The following KCNH1 variants were observed in gnomAD, a reference collection of about 807,000 sequenced individuals.
The protein encoded by KCNH1 is voltage-gated delayed rectifier potassium channel KCNH1.
KCNH1 carries 27 observed loss-of-function variants against 69.2 expected under a neutral mutation model. That is an observed-to-expected ratio of 0.39 (90% CI 0.29 to 0.54). The LOEUF (loss-of-function observed/expected upper bound fraction) is 0.54. Among genes scored for constraint, KCNH1 ranks in the 20% least tolerant of loss-of-function variants. The pLI, the probability that KCNH1 is intolerant of heterozygous loss-of-function variation, is 0.68. For missense variants in KCNH1, 798 were observed against 1,261.6 expected (o/e 0.63, Z 5.57); for synonymous variants, 456 against 487.7 (o/e 0.93, Z 0.86).
At chr1:210,743,162 G>A (rs1467606164) in intron 10 of KCNH1, among the ~76,000 whole-genome samples, 1 of 147,622 alleles carries the variant, frequency 6.8e-6, no homozygotes, top group Non-Finnish European at 1.5e-5. Context: ...AGAAAGAGAT[G>A]AGATCCTGGA....
chr1:210,856,829 A>G (rs1185116596), intron 7 of KCNH1, among the ~76,000 whole-genome samples: 2 of 128,922 alleles, frequency 1.6e-5, no homozygotes, highest in African/African-American at 2.7e-5. Flanking sequence ...TATTTTATAT[A>G]TAATATATAT....
intron 7 of KCNH1, among the ~76,000 whole-genome samples, chr1:210,908,473 G>A (rs1432109081): frequency 6.6e-6 from 1 of 152,132 alleles, no homozygotes; most frequent in East Asian, 1.9e-4. Flanking sequence ...ACAGCCAGGG[G>A]AGAACCTGTA....
chr1:210,791,946 A>G (rs1684220978), intron 9 of KCNH1, among the ~76,000 whole-genome samples: 1 of 152,228 alleles, frequency 6.6e-6, no homozygotes, highest in Non-Finnish European at 1.5e-5. Flanking sequence ...TATTTCATCC[A>G]TGAACAAGCA....
At chr1:210,891,115 C>T (rs1686739871) in intron 7 of KCNH1, among the ~76,000 whole-genome samples, 2 of 152,184 alleles carry the variant, frequency 1.3e-5, no homozygotes, top group South Asian at 2.1e-4. Context: ...GCACTATTCA[C>T]AAAAGCAAAG....
At chr1:211,051,151 C>T (rs1690198142) in intron 5 of KCNH1, among the ~76,000 whole-genome samples, 1 of 152,074 alleles carries the variant, frequency 6.6e-6, no homozygotes, top group African/African-American at 2.4e-5. Flanking sequence ...GTGTGCACCA[C>T]CACACCTGGC....
At chr1:210,715,651 T>C (rs1412021149) in intron 10 of KCNH1, among the ~76,000 whole-genome samples, 2 of 152,214 alleles carry the variant, frequency 1.3e-5, no homozygotes, top group African/African-American at 4.8e-5. Context: ...CTAATTGTTA[T>C]AAATAATCAT....
chr1:211,048,484 T>C (rs1298772996), intron 5 of KCNH1, among the ~76,000 whole-genome samples: 1 of 152,112 alleles, frequency 6.6e-6, no homozygotes, highest in Non-Finnish European at 1.5e-5. Flanking sequence ...TATATACATA[T>C]ATACATATAC....
chr1:210,726,532 A>C (rs933556683), intron 10 of KCNH1, among the ~76,000 whole-genome samples: 1 of 152,192 alleles, frequency 6.6e-6, no homozygotes, highest in Non-Finnish European at 1.5e-5. Flanking sequence ...GACCAGGGTC[A>C]TGCTCAGGTC....
intron 7 of KCNH1, among the ~76,000 whole-genome samples, chr1:210,901,789 G>A (rs1322334624): frequency 6.6e-6 from 1 of 152,170 alleles, no homozygotes; most frequent in Admixed American, 6.5e-5. Flanking sequence ...GAGAAGAATA[G>A]TTTCACACAG....
intron 6 of KCNH1, among the ~76,000 whole-genome samples, chr1:210,965,231 G>T (rs1368384644): frequency 6.6e-6 from 1 of 152,094 alleles, no homozygotes; most frequent in Non-Finnish European, 1.5e-5. Context: ...ATTCAACATA[G>T]TGTTGGAAGT....
intron 6 of KCNH1, among the ~76,000 whole-genome samples, chr1:210,959,027 G>A (rs550623798): frequency 6.6e-6 from 1 of 152,136 alleles, no homozygotes; most frequent in African/African-American, 2.4e-5. Flanking sequence ...TTCTGCTCTG[G>A]TTTCTCCCCA....
At chr1:211,087,906 TAGAAG>T (rs895758991) in intron 4 of KCNH1, among the ~76,000 whole-genome samples, 8 of 151,924 alleles carry the variant, frequency 5.3e-5, no homozygotes, top group African/African-American at 1.7e-4. Flanking sequence ...AGGCTCCGGG[TAGAAG>T]AGAAGTTACT....
chr1:210,852,858 G>T (rs1157047620), intron 7 of KCNH1, among the ~76,000 whole-genome samples: 1 of 152,110 alleles, frequency 6.6e-6, no homozygotes, highest in East Asian at 1.9e-4. Context: ...ACAGCCAAAG[G>T]CAACGTGGAA....
chr1:211,087,074 G>C (rs1690964704), intron 4 of KCNH1, among the ~76,000 whole-genome samples: 1 of 152,074 alleles, frequency 6.6e-6, no homozygotes, highest in Non-Finnish European at 1.5e-5. Flanking sequence ...ACATTGAAGG[G>C]GGTGTGGGGC....
chr1:210,833,551 T>G (rs1167859020), intron 7 of KCNH1, among the ~76,000 whole-genome samples: 1 of 152,138 alleles, frequency 6.6e-6, no homozygotes, highest in African/African-American at 2.4e-5. Flanking sequence ...GATTAAAGAC[T>G]TAAACGTTAG....
chr1:210,905,709 C>T (rs1288983631), intron 7 of KCNH1, among the ~76,000 whole-genome samples: 1 of 151,706 alleles, frequency 6.6e-6, no homozygotes, highest in Non-Finnish European at 1.5e-5. Flanking sequence ...GTGGGGTTCA[C>T]AAAAGGGCAG....
intron 7 of KCNH1, among the ~76,000 whole-genome samples, chr1:210,850,446 G>T (rs1457425309): frequency 6.6e-6 from 1 of 152,196 alleles, no homozygotes; most frequent in Non-Finnish European, 1.5e-5. Context: ...GGGAGGCGGA[G>T]GTTGCAGTGA....
intron 6 of KCNH1, among the ~76,000 whole-genome samples, chr1:210,981,222 T>A (rs1177788327): frequency 6.6e-6 from 1 of 152,108 alleles, no homozygotes; most frequent in Non-Finnish European, 1.5e-5. Context: ...AACTCATGTC[T>A]TATTCTATGC....
intron 7 of KCNH1, among the ~76,000 whole-genome samples, chr1:210,912,383 C>A (rs1443432714): frequency 6.6e-6 from 1 of 151,536 alleles, no homozygotes; most frequent in Admixed American, 6.6e-5. Context: ...ACTTGCTCTG[C>A]AGTCAGGCCA....
Sources: allele counts gnomAD v4.1 joint callset (sites outside exome capture counted in the v4.1 genomes callset), GRCh38; gene constraint gnomAD v4.1.1; transcripts MANE v1.5; gene names NCBI Gene and HGNC (gene_info 2026-07-23, HGNC 2026-07-21).